The following MUCL1 variants were observed in gnomAD, a reference collection of about 807,000 sequenced individuals.
The protein encoded by MUCL1 is mucin like 1, also known as mucin-like protein 1.
A neutral mutation model predicts 9.2 loss-of-function variants in MUCL1; 11 were observed. That is an observed-to-expected ratio of 1.19 (90% CI 0.75 to 1.97). The LOEUF (loss-of-function observed/expected upper bound fraction) is 1.97, where lower values mean the gene tolerates loss of function less well. MUCL1 is among the 30% of genes most tolerant of loss of function. MUCL1 has a pLI of 0.00. For missense variants in MUCL1, 144 were observed against 110.9 expected (o/e 1.30, Z -1.34); for synonymous variants, 48 against 40.5 (o/e 1.19, Z -0.71).
intron 1 of MUCL1, among the ~76,000 whole-genome samples, chr12:54,841,370 G>T (rs567107062): frequency 1.8e-4 from 28 of 152,246 alleles, no homozygotes; most frequent in Non-Finnish European, 3.4e-4. Context: ...TAGATGTATT[G>T]CTGGGTCATA....
At chr12:54,848,690 T>C (rs1461219255) in intron 1 of MUCL1, among the ~76,000 whole-genome samples, 1 of 152,184 alleles carries the variant, frequency 6.6e-6, no homozygotes, top group Non-Finnish European at 1.5e-5. Context: ...ACTTACTGCA[T>C]TCAGGGAAAT....
chr12:54,846,050 A>G (rs752973908), intron 1 of MUCL1, among the ~76,000 whole-genome samples: 2 of 152,118 alleles, frequency 1.3e-5, no homozygotes, highest in Non-Finnish European at 2.9e-5. Context: ...TTCACCACTC[A>G]GTAAAACCTT....
At chr12:54,841,481 T>A (rs1181283701) in intron 1 of MUCL1, among the ~76,000 whole-genome samples, 1 of 152,210 alleles carries the variant, frequency 6.6e-6, no homozygotes, top group East Asian at 1.9e-4. Context: ...ATGTTCCTTT[T>A]CCTCCACATC....
intron 1 of MUCL1, among the ~76,000 whole-genome samples, 196 bp from the exon 2 acceptor site, chr12:54,854,920 A>AAAATGACC (rs1171295856): frequency 4.6e-5 from 7 of 152,294 alleles, no homozygotes; most frequent in African/African-American, 1.4e-4. Context: ...CGGGAAAGGA[A>AAAATGACC]AAATGACCAC....
upstream of MUCL1, among the ~76,000 whole-genome samples, chr12:54,851,302 G>A (rs1005210516): frequency 2.0e-5 from 3 of 152,200 alleles, no homozygotes; most frequent in South Asian, 2.1e-4. Flanking sequence ...GGTCTAACAT[G>A]TAAGTCTTTA....
chr12:54,830,754 G>A (rs1481572817), exon 1 of MUCL1: 5 of 152,020 alleles, frequency 3.3e-5, no homozygotes, highest in Non-Finnish European at 7.3e-5. Flanking sequence ...AGACCCCTTG[G>A]CCTCCATTGG....
intron 1 of MUCL1, among the ~76,000 whole-genome samples, chr12:54,847,677 C>T (rs148355825): frequency 7.0e-4 from 107 of 152,198 alleles, no homozygotes; most frequent in East Asian, 2.9e-3. Context: ...AAGCAAATAT[C>T]AGGCAATAAT....
rs1868290883 is a variant in MUCL1, at chr12:54,855,331, C to A, written c.100+174C>A. 3.1e-5 allele frequency: 19 copies of A among 607,098 alleles called. 1 individual carries two copies. The East Asian group carries it at 5.3e-4, about 17-fold the overall frequency. 37.6% of individuals were successfully genotyped at this position (607,098 alleles called of 1,614,324 possible). Reference sequence around the variant, plus strand: ...ATTCACCACAAACATAGTGAATCTGCTTATTTCTTATACATTCTTAGAATA... The same window carrying A: ...ATTCACCACAAACATAGTGAATCTGATTATTTCTTATACATTCTTAGAATA... On this transcript the variant is annotated intron_variant, in intron 2 of 3. Coordinates refer to ENST00000308796, the MANE Select transcript of MUCL1 (RefSeq NM_058173.3).
chr12:54,854,484 T>G, upstream of MUCL1: 4 of 899,926 alleles, frequency 4.4e-6, no homozygotes, highest in Non-Finnish European at 7.1e-6. Context: ...GCCCTCTGCA[T>G]ATATATTGTC....
At chr12:54,843,591 A>G (rs1959224955) in intron 1 of MUCL1, among the ~76,000 whole-genome samples, 1 of 152,184 alleles carries the variant, frequency 6.6e-6, no homozygotes, top group Non-Finnish European at 1.5e-5. Context: ...TGTAATCGCA[A>G]GGGTCTTTTA....
chr12:54,835,639 C>T (rs1459563029), upstream of MUCL1, among the ~76,000 whole-genome samples: 3 of 146,304 alleles, frequency 2.1e-5, no homozygotes, highest in Non-Finnish European at 4.5e-5. Context: ...TTTGTTTGAG[C>T]TCCTTGTCTT....
intron 2 of MUCL1, chr12:54,855,470 G>A (rs1264597729): frequency 6.4e-6 from 2 of 313,286 alleles, no homozygotes; most frequent in East Asian, 6.2e-5. Context: ...TTTGAGAGAT[G>A]CCTCTAATAA....
At chr12:54,836,313 T>C (rs1482202410), upstream of MUCL1, among the ~76,000 whole-genome samples, 1 of 152,192 alleles carries the variant, frequency 6.6e-6, no homozygotes, top group African/African-American at 2.4e-5. Flanking sequence ...TCTTCCTGAT[T>C]CAAATTAGGA....
rs56357108 is a variant in MUCL1, at chr12:54,848,095, GT to G, written c.44-7018del. 1.4e-5 allele frequency among the ~76,000 whole-genome samples: 2 copies of G among 143,644 alleles called. 1 individual carries two copies. Among genetic ancestry groups the G allele is most frequent in the Admixed American group, 1.4e-4 (2 of 14,464 alleles). The allele number at this position is 143,644 out of a possible 152,430, so 94.2% of individuals were successfully genotyped here. On this transcript the variant is annotated intron_variant, in intron 1 of 3. Transcript: ENST00000546809. ...GTTAGTCTGTGTCTAGTTAATTCTT[GT>G]TTGTTGAAACTCAGCTGTGTGCCCT...
intron 1 of MUCL1, among the ~76,000 whole-genome samples, chr12:54,846,333 G>A (rs1429454854): frequency 2.6e-5 from 4 of 152,176 alleles, no homozygotes; most frequent in East Asian, 1.9e-4. Context: ...GCACCTGCCC[G>A]TCTGCATGTT....
At chr12:54,833,814 A>T in intron 1 of MUCL1, among the ~76,000 whole-genome samples, 1 of 113,374 alleles carries the variant, frequency 8.8e-6, no homozygotes, top group East Asian at 3.0e-4. Context: ...CACTCTGGGG[A>T]CTGTTGTGGG....
intron 3 of MUCL1, 100 bp downstream of exon 3, chr12:54,856,992 C>A (rs1565779673): frequency 6.6e-7 from 1 of 1,509,332 alleles, no homozygotes; most frequent in East Asian, 2.3e-5. Context: ...TCAGGGAGAC[C>A]TCTTCTTTAC....
chr12:54,857,082 AG>A (rs1468723936), intron 3 of MUCL1, among the ~76,000 whole-genome samples, 190 bp downstream of exon 3: 2 of 152,154 alleles, frequency 1.3e-5, no homozygotes, highest in Admixed American at 6.6e-5. Flanking sequence ...CCTGACTCCT[AG>A]GTTACCAATA....
chr12:54,845,732 A>C (rs1327506809), intron 1 of MUCL1, among the ~76,000 whole-genome samples: 2 of 152,106 alleles, frequency 1.3e-5, no homozygotes, highest in Non-Finnish European at 2.9e-5. Context: ...ACTGGACTGG[A>C]CTGGTTCTGC....
Sources: gnomAD v4.1 joint callset for allele counts (sites outside exome capture counted in the v4.1 genomes callset) on GRCh38, gnomAD v4.1.1 for gene constraint, MANE v1.5 for transcripts, NCBI Gene and HGNC (gene_info 2026-07-23, HGNC 2026-07-21) for gene names.